The following ATP1B3 variants were observed in gnomAD, a reference collection of about 807,000 sequenced individuals.
ATP1B3 encodes the protein ATPase Na+/K+ transporting subunit beta 3, also known as sodium/potassium-transporting ATPase subunit beta-3.
Under a neutral mutation model 30.2 loss-of-function variants are expected in ATP1B3, and 10 were observed. The ratio of observed to expected loss-of-function variants is 0.33; its 90% CI spans 0.20 to 0.56. The LOEUF is 0.56. ATP1B3 is among the 20% of genes least tolerant of loss of function. The probability of loss-of-function intolerance (pLI) is 0.90; values close to 1 mark genes in which losing one functional copy is unlikely to be tolerated. For synonymous variants in ATP1B3, 113 were observed against 117.0 expected, an observed-to-expected ratio of 0.97 and a Z score of 0.22; for missense variants, 238 against 336.7, an observed-to-expected ratio of 0.71 and a Z score of 2.29.
At chr3:141,890,086 C>CTTTTTTTTTTTT (rs1245235657) in intron 1 of ATP1B3, among the ~76,000 whole-genome samples, 43 of 107,506 alleles carry the variant, frequency 4.0e-4, no homozygotes, top group Admixed American at 6.1e-4. Flanking sequence ...AATTTTTTTT[C>CTTTTTTTTTTTT]TTTTTTTTTT....
chr3:141,877,330 C>A (rs1165734298), intron 1 of ATP1B3, among the ~76,000 whole-genome samples: 1 of 152,108 alleles, frequency 6.6e-6, no homozygotes, highest in Admixed American at 6.5e-5. Context: ...GCGCCCGGCC[C>A]GCTGAGCGGT....
chr3:141,915,887 C>A, intron 4 of ATP1B3, 83 bp from the exon 5 acceptor site: 3 of 1,059,164 alleles, frequency 2.8e-6, no homozygotes, highest in Non-Finnish European at 4.2e-6. Context: ...AAAGTCTTCA[C>A]CCCTTGTTCC....
At chr3:141,885,302 C>T (rs16851899) in intron 1 of ATP1B3, among the ~76,000 whole-genome samples, 5,222 of 152,208 alleles carry the variant, frequency 0.034, 304 homozygotes, top group African/African-American at 0.12. Context: ...CATCAAGACA[C>T]ACGTTCAGAG....
chr3:141,881,337 T>C (rs559013782), intron 1 of ATP1B3, among the ~76,000 whole-genome samples: 4 of 152,346 alleles, frequency 2.6e-5, no homozygotes, highest in Admixed American at 2.0e-4. Flanking sequence ...TGTATTAATA[T>C]TAACTTAAAA....
intron 1 of ATP1B3, among the ~76,000 whole-genome samples, chr3:141,885,113 T>TA (rs1933803254): frequency 6.6e-6 from 1 of 152,174 alleles, no homozygotes; most frequent in Non-Finnish European, 1.5e-5. Flanking sequence ...TTTGCAGTTT[T>TA]AAAAAACAGC....
At chr3:141,892,178 A>G in intron 1 of ATP1B3, among the ~76,000 whole-genome samples, 1 of 152,186 alleles carries the variant, frequency 6.6e-6, no homozygotes. Flanking sequence ...GCCACTTAGC[A>G]TCACAGAGGT....
chr3:141,881,393 C>A (rs781493059), intron 1 of ATP1B3, among the ~76,000 whole-genome samples: 3 of 152,132 alleles, frequency 2.0e-5, no homozygotes, highest in Non-Finnish European at 4.4e-5. Flanking sequence ...TGGACCAAAA[C>A]TGTTAGCACC....
intron 1 of ATP1B3, among the ~76,000 whole-genome samples, chr3:141,892,299 G>A (rs1447266286): frequency 6.6e-6 from 1 of 152,022 alleles, no homozygotes; most frequent in African/African-American, 2.4e-5. Context: ...TTTGCATACA[G>A]TAATAATGCC....
intron 3 of ATP1B3, among the ~76,000 whole-genome samples, chr3:141,911,167 C>G (rs1391556395): frequency 6.6e-6 from 1 of 152,080 alleles, no homozygotes; most frequent in East Asian, 1.9e-4. Flanking sequence ...ATTTCCTCAA[C>G]TCAATTTTCT....
Position 141,920,250 on chromosome 3 carries a change from T to C in ATP1B3, c.583-1727T>C, listed in dbSNP as rs367831466. ...GCTTGTTAGGCCTAAAGGAGGGAAGTGTAAGCTAAGTGTGGTATCTGGTAG... is the reference window on the plus strand; with the variant it reads ...GCTTGTTAGGCCTAAAGGAGGGAAGCGTAAGCTAAGTGTGGTATCTGGTAG... On this transcript the variant is annotated intron_variant, in intron 5 of 6. Transcript: ENST00000286371. Among the ~76,000 whole-genome samples the C allele has an allele frequency of 3.9e-5, 6 of 152,056 alleles. No homozygotes were observed. The East Asian group carries it at 1.2e-3, about 30-fold the overall frequency.
chr3:141,912,501 T>A (rs2107776393), intron 3 of ATP1B3, among the ~76,000 whole-genome samples: 1 of 152,218 alleles, frequency 6.6e-6, no homozygotes, highest in African/African-American at 2.4e-5. Flanking sequence ...CATCTCGTGA[T>A]CCACCCGCCT....
At chr3:141,905,282 G>A (rs541974887) in intron 2 of ATP1B3, among the ~76,000 whole-genome samples, 2 of 152,208 alleles carry the variant, frequency 1.3e-5, no homozygotes, top group Admixed American at 6.5e-5. Context: ...CTAGAGCAGT[G>A]GTTTTCAACC....
Position 141,913,768 on chromosome 3 carries a change from A to G in ATP1B3, c.463A>G (p.Ser155Gly), listed in dbSNP as rs1934408275. ...QFPISLLQAC[S>G]GMNDPDFGYS... ...TCCTATTTCATTACTTCAAGCATGC[A>G]GTGGTATGAATGATCCTGATTTTGG... Residue 155 changes from serine to glycine, a missense_variant, in exon 4 of 7, where the codon AGT becomes GGT. This residue lies in a region of ATP1B3 where 58 missense variants were observed against 125.6 expected (regional missense o/e 0.46). Transcript: ENST00000286371. 6.2e-7 allele frequency: 1 copy of G among 1,614,100 alleles called. No individual in the cohort carries two copies. Among genetic ancestry groups the G allele is most frequent in the Admixed American group, 1.7e-5 (1 of 60,018 alleles).
At chr3:141,885,926 C>T (rs1933824504) in intron 1 of ATP1B3, among the ~76,000 whole-genome samples, 1 of 150,388 alleles carries the variant, frequency 6.6e-6, no homozygotes, top group Non-Finnish European at 1.5e-5. Flanking sequence ...CACACACACC[C>T]CTGTAGTGTT....
intron 3 of ATP1B3, among the ~76,000 whole-genome samples, chr3:141,908,060 C>T (rs1422191440): frequency 7.2e-6 from 1 of 138,350 alleles, no homozygotes; most frequent in Non-Finnish European, 1.5e-5. Context: ...TTTTTTGTGC[C>T]AGGCATTCTT....
chr3:141,925,816 T>A lies in ATP1B3; in HGVS notation c.*115T>A. The A allele has an allele frequency of 7.8e-7, 1 of 1,281,448 alleles. No homozygotes were observed. The highest frequency in any genetic ancestry group is 1.1e-6 in the Non-Finnish European group (1 of 922,392). 79.4% of individuals were successfully genotyped at this position (1,281,448 alleles called of 1,614,324 possible). A position where few individuals can be genotyped will look rare whatever the true frequency, so the allele number is the denominator to read the frequency against. On this transcript the variant is annotated 3_prime_UTR_variant, in exon 7 of 7. Transcript: ENST00000286371. ...ACCTTGGAGAAAGGTGTGTGGTACA[T>A]GACATTGGGTTACATCATAACGTGC... is the stretch of plus-strand genomic sequence containing the variant.
chr3:141,902,907 T>C (rs1934189916), intron 1 of ATP1B3: 2 of 152,226 alleles, frequency 1.3e-5, no homozygotes, highest in African/African-American at 2.4e-5. Context: ...TTTTAAAATA[T>C]ATATTTTTTT....
At chr3:141,901,688 T>C (rs1474588555) in intron 1 of ATP1B3, among the ~76,000 whole-genome samples, 5 of 149,564 alleles carry the variant, frequency 3.3e-5, no homozygotes, top group African/African-American at 1.2e-4. Flanking sequence ...TCATATCTGC[T>C]ATATATTTAT....
chr3:141,924,082 G>C (rs866462223), intron 6 of ATP1B3, among the ~76,000 whole-genome samples: 1 of 152,168 alleles, frequency 6.6e-6, no homozygotes, highest in Admixed American at 6.6e-5. Context: ...GGTGGCTCAC[G>C]CCTGTAATCC....
Sources: gnomAD v4.1 joint callset for allele counts (sites outside exome capture counted in the v4.1 genomes callset) on GRCh38, gnomAD v4.1.1 for gene constraint, gnomAD v4.1.1 regional missense constraint, MANE v1.5 for transcripts, NCBI Gene and HGNC (gene_info 2026-07-23, HGNC 2026-07-21) for gene names.